Variants in ARHGEF38 observed in about 807,000 individuals in gnomAD.
ARHGEF38 encodes Rho guanine nucleotide exchange factor (GEF) 38.
Under a neutral mutation model 79.9 loss-of-function variants are expected in ARHGEF38, and 79 were observed. The ratio of observed to expected loss-of-function variants is 0.99; its 90% CI spans 0.82 to 1.19. The LOEUF (loss-of-function observed/expected upper bound fraction) is 1.19. Among genes scored for constraint, ARHGEF38 ranks in the 50% most tolerant of loss-of-function variants. ARHGEF38 has a pLI of 0.00. For synonymous variants in ARHGEF38, 366 were observed against 328.3 expected, an observed-to-expected ratio of 1.11 and a Z score of -1.24; for missense variants, 962 against 907.2, an observed-to-expected ratio of 1.06 and a Z score of -0.78.
At chr4:105,638,509 T>G (rs1351686296) in intron 5 of ARHGEF38, among the ~76,000 whole-genome samples, 1 of 152,132 alleles carries the variant, frequency 6.6e-6, no homozygotes, top group Non-Finnish European at 1.5e-5. Flanking sequence ...CACAAAATAT[T>G]ATAAATTATT....
chr4:105,594,364 G>T (rs1403669915), intron 2 of ARHGEF38, among the ~76,000 whole-genome samples: 2 of 152,114 alleles, frequency 1.3e-5, no homozygotes, highest in Non-Finnish European at 2.9e-5. Context: ...CAAACCACCT[G>T]TCATCACTGT....
In ARHGEF38 at chr4:105,677,746, G is replaced by A. The variant is rs200405343; in HGVS notation, c.2149-6G>A. On this transcript the variant is annotated splice_region_variant and splice_polypyrimidine_tract_variant and intron_variant, in intron 13 of 13. Transcript: ENST00000420470. ...TTCCAATAATGTCTTTTGTTTCTTT[G>A]TCTAGATTTTCTATGCAGTTCATGC... The A allele has an allele frequency of 9.1e-6, 13 of 1,425,032 alleles. No individual in the cohort carries two copies. Among genetic ancestry groups the A allele is most frequent in the Non-Finnish European group, 1.1e-5 (12 of 1,081,214 alleles). 88.3% of individuals were successfully genotyped at this position (1,425,032 alleles called of 1,614,324 possible). A position where few individuals can be genotyped will look rare whatever the true frequency, so the allele number is the denominator to read the frequency against.
intron 1 of ARHGEF38, among the ~76,000 whole-genome samples, chr4:105,578,971 C>T (rs1028547241): frequency 3.9e-5 from 6 of 152,026 alleles, no homozygotes; most frequent in African/African-American, 1.4e-4. Flanking sequence ...CAGTTTTTCT[C>T]ATTATGTTAC....
chr4:105,659,751 A>T (rs1398444378), intron 10 of ARHGEF38, among the ~76,000 whole-genome samples: 2 of 152,130 alleles, frequency 1.3e-5, no homozygotes, highest in African/African-American at 4.8e-5. Context: ...ATGTGGCTCT[A>T]AAAAGAAGGC....
chr4:105,620,825 TG>T (rs11347598), intron 3 of ARHGEF38, among the ~76,000 whole-genome samples: 28,401 of 152,048 alleles, frequency 0.19, 3,313 homozygotes, highest in African/African-American at 0.33. Flanking sequence ...CATTGTTATA[TG>T]AGTCTAGTGT....
chr4:105,606,287 T>C (rs1728037578), intron 2 of ARHGEF38, among the ~76,000 whole-genome samples: 2 of 152,116 alleles, frequency 1.3e-5, no homozygotes, highest in Non-Finnish European at 2.9e-5. Context: ...GATGATTTGG[T>C]TGGTGGCAAT....
At chr4:105,574,076 T>A (rs1233756148) in intron 1 of ARHGEF38, among the ~76,000 whole-genome samples, 1 of 152,206 alleles carries the variant, frequency 6.6e-6, no homozygotes, top group African/African-American at 2.4e-5. Flanking sequence ...TATATTCTGC[T>A]ACTTTACTGA....
intron 3 of ARHGEF38, among the ~76,000 whole-genome samples, chr4:105,627,678 A>G (rs568737361): frequency 6.6e-6 from 1 of 152,310 alleles, no homozygotes; most frequent in South Asian, 2.1e-4. Context: ...ACAGGCAACC[A>G]CAAGTGAAAT....
Position 105,677,918 on chromosome 4 carries a change from G to C in ARHGEF38, c.2315G>C (p.Gly772Ala). Reference sequence around the variant, plus strand: ...GGATACGTGCCAGCTAACTACCTTGGAAAGATGACTTATGCTTAAGAAAAT... The same window carrying C: ...GGATACGTGCCAGCTAACTACCTTGCAAAGATGACTTATGCTTAAGAAAAT... ...QKGYVPANYL[G>A]KMTYA Residue 772 changes from glycine to alanine, a missense_variant, in exon 14 of 14, where the codon GGA (glycine) becomes GCA (alanine). By Grantham distance (60) the Gly-to-Ala change is moderately conservative (BLOSUM62 0). Transcript: ENST00000420470. The C allele has an allele frequency of 6.6e-7, 1 of 1,524,540 alleles. No individual in the cohort carries two copies. Among genetic ancestry groups the C allele is most frequent in the Non-Finnish European group, 8.8e-7 (1 of 1,139,770 alleles). 94.4% of individuals were successfully genotyped at this position (1,524,540 alleles called of 1,614,324 possible).
rs773225753 is a variant in ARHGEF38, at chr4:105,655,699, G to C, written c.1210G>C (p.Ala404Pro). The change falls in exon 9 of 14, where the codon GCC (alanine) becomes CCC (proline). Residue 404 changes from alanine (A) to proline (P), a missense_variant. Ala to Pro is a conservative substitution (Grantham distance 27, BLOSUM62 -1). Transcript: ENST00000420470. ...EMDYSETLSN[A>P]LNSCHDFASH... is the part of the protein sequence containing the mutation. Reference sequence around the variant, plus strand: ...GGACTATTCTGAGACCCTAAGTAATGCCTTAAATTCGTGTCATGACTTTGT... The same window carrying C: ...GGACTATTCTGAGACCCTAAGTAATCCCTTAAATTCGTGTCATGACTTTGT... 4 of 1,535,154 alleles carry C rather than the reference G, an allele frequency of 2.6e-6. No homozygotes were observed. The highest frequency in any genetic ancestry group is 1.4e-5 in the African/African-American group (1 of 73,106).
intron 2 of ARHGEF38, among the ~76,000 whole-genome samples, chr4:105,600,092 A>T (rs922071400): frequency 2.6e-5 from 4 of 152,182 alleles, no homozygotes; most frequent in Non-Finnish European, 5.9e-5. Flanking sequence ...AAAAGATTAA[A>T]TGTTTGTCAA....
rs1729797879 is a variant in ARHGEF38, at chr4:105,645,400, A to AAACCAT, written c.874+13_874+14insAACCAT. 1 of 1,500,864 alleles carries AAACCAT rather than the reference A, an allele frequency of 6.7e-7. No homozygotes were observed. Among genetic ancestry groups the AAACCAT allele is most frequent in the Non-Finnish European group, 8.8e-7 (1 of 1,130,504 alleles). The allele number at this position is 1,500,864 out of a possible 1,614,324, so 93.0% of individuals were successfully genotyped here. On this transcript the variant is annotated intron_variant, in intron 6 of 13. Transcript: ENST00000420470. ...AGGAAAGATTTAGGTAGGAAGAGAC[A>AAACCAT]TGATGAATTGGTTGTTTTCCATTAT... is the stretch of plus-strand genomic sequence containing the variant.
At position 105,630,521 on chromosome 4, in the gene ARHGEF38, C is replaced by T. The variant is rs537315367; in HGVS notation, c.509-377C>T. 9.2e-5 allele frequency among the ~76,000 whole-genome samples: 14 copies of T among 152,282 alleles called. No individual in the cohort carries two copies. In the South Asian group the frequency reaches 2.9e-3, roughly 32 times the overall value. ...CCTCCCAAAGTGCTGGGATTATAGG[C>T]GTGAGCCACTGCACCTGGCCACACT... On this transcript the variant is annotated intron_variant, in intron 3 of 13. Transcript: ENST00000420470.
chr4:105,586,231 T>TAAAAAAAAAA (rs1560702892), intron 1 of ARHGEF38, among the ~76,000 whole-genome samples: 1 of 110,760 alleles, frequency 9.0e-6, no homozygotes, highest in Non-Finnish European at 1.9e-5. Context: ...TTTGTTGGTT[T>TAAAAAAAAAA]AAGAAATGCA....
intron 3 of ARHGEF38, among the ~76,000 whole-genome samples, chr4:105,615,708 T>A (rs1191263539): frequency 2.6e-5 from 4 of 152,176 alleles, no homozygotes; most frequent in Non-Finnish European, 5.9e-5. Context: ...TCTGACACAA[T>A]CTCTTTTAGT....
Position 105,561,464 on chromosome 4 carries a change from A to AGAATAGAATAGAATGGAATG in ARHGEF38, c.196+8517_196+8518insGGAATGGAATAGAATAGAAT, listed in dbSNP as rs1560684546. 6 of 44,602 alleles carry AGAATAGAATAGAATGGAATG rather than the reference A, an allele frequency of 1.3e-4. 1 individual carries two copies. Among genetic ancestry groups the AGAATAGAATAGAATGGAATG allele is most frequent in the African/African-American group, 1.9e-4 (2 of 10,664 alleles). The allele number at this position is 44,602 out of a possible 1,614,324, so 2.8% of individuals were successfully genotyped here. On this transcript the variant is annotated intron_variant, in intron 1 of 13. Coordinates refer to ENST00000420470, the MANE Select transcript of ARHGEF38 (RefSeq NM_001242729.2). ...AGAATAGAATGGAATAGAATAGAAT[A>AGAATAGAATAGAATGGAATG]GAATAGAATAGAATAGAATAGAATA...
chr4:105,617,062 A>C (rs1728540094), intron 3 of ARHGEF38, among the ~76,000 whole-genome samples: 1 of 152,244 alleles, frequency 6.6e-6, no homozygotes, highest in African/African-American at 2.4e-5. Flanking sequence ...AAATGATGAC[A>C]GTTTTATATC....
chr4:105,631,805 A>G (rs773369912), intron 4 of ARHGEF38: 38 of 570,052 alleles, frequency 6.7e-5, no homozygotes, highest in Non-Finnish European at 8.4e-5. Flanking sequence ...GCAGTTTCCT[A>G]TCACATGAAG....
At chr4:105,580,744 G>C (rs1405435746) in intron 1 of ARHGEF38, among the ~76,000 whole-genome samples, 1 of 152,070 alleles carries the variant, frequency 6.6e-6, no homozygotes, top group Non-Finnish European at 1.5e-5. Context: ...ACAGAGTCTT[G>C]CTCTGTTGCC....
Sources: allele counts gnomAD v4.1 joint callset (sites outside exome capture counted in the v4.1 genomes callset), GRCh38; gene constraint gnomAD v4.1.1; transcripts MANE v1.5; gene names NCBI Gene and HGNC (gene_info 2026-07-23, HGNC 2026-07-21).